Variants in R3HCC1L observed in about 807,000 individuals in gnomAD.
R3HCC1L encodes the protein coiled-coil domain-containing protein R3HCC1L.
Under a neutral mutation model 59.9 loss-of-function variants are expected in R3HCC1L, and 51 were observed. That is an observed-to-expected ratio of 0.85 (90% CI 0.68 to 1.07). The LOEUF (loss-of-function observed/expected upper bound fraction) is 1.07, where lower values mean the gene tolerates loss of function less well. R3HCC1L is among the 50% of genes least tolerant of loss of function. R3HCC1L has a pLI of 0.00. For missense variants in R3HCC1L, 965 were observed against 933.0 expected, an observed-to-expected ratio of 1.03 and a Z score of -0.45; for synonymous variants, 322 against 315.2, an observed-to-expected ratio of 1.02 and a Z score of -0.23.
intron 1 of R3HCC1L, among the ~76,000 whole-genome samples, chr10:98,139,964 A>G (rs1410954162): frequency 1.3e-5 from 2 of 151,640 alleles, no homozygotes; most frequent in African/African-American, 2.4e-5. Flanking sequence ...TCCAAATAAC[A>G]TGGGTCAAAC....
chr10:98,150,162 T>A (rs1846005746), intron 1 of R3HCC1L, among the ~76,000 whole-genome samples: 1 of 152,226 alleles, frequency 6.6e-6, no homozygotes, highest in Non-Finnish European at 1.5e-5. Context: ...TTTCAATCTC[T>A]TTGTTAAATT....
intron 4 of R3HCC1L, among the ~76,000 whole-genome samples, chr10:98,199,081 TG>T (rs941575877): frequency 6.6e-6 from 1 of 152,088 alleles, no homozygotes; most frequent in African/African-American, 2.4e-5. Context: ...GAAATCCAAA[TG>T]TATTTTATAT....
At chr10:98,197,822 C>G (rs1851609142) in intron 4 of R3HCC1L, among the ~76,000 whole-genome samples, 1 of 152,036 alleles carries the variant, frequency 6.6e-6, no homozygotes, top group South Asian at 2.1e-4. Context: ...TGGAAACTTA[C>G]AGGAAGGACC....
At chr10:98,240,516 G>A (rs1048965012) in intron 9 of R3HCC1L, among the ~76,000 whole-genome samples, 1 of 152,184 alleles carries the variant, frequency 6.6e-6, no homozygotes, top group African/African-American at 2.4e-5. Flanking sequence ...TTAATTGGCT[G>A]GTTCTGAAAG....
At chr10:98,174,521 TGAAAC>T (rs1294826306) in intron 4 of R3HCC1L, 15 of 886,894 alleles carry the variant, frequency 1.7e-5, no homozygotes, top group Non-Finnish European at 2.0e-5. Context: ...CATTCATAAA[TGAAAC>T]AGTTGAATAA....
At chr10:98,152,194 G>A (rs1268088156) in intron 1 of R3HCC1L, among the ~76,000 whole-genome samples, 17 of 151,682 alleles carry the variant, frequency 1.1e-4, no homozygotes, top group African/African-American at 2.4e-4. Flanking sequence ...ACCGCGAGTG[G>A]TCCGCCAGCC....
rs577348626 is a variant in R3HCC1L, at chr10:98,192,420, A to G, written c.-14-15681A>G. On this transcript the variant is annotated intron_variant, in intron 4 of 9. Transcript: ENST00000298999. ...TGACAAACCCTTAGCTAGGCTAAGG[A>G]AAAAGAGAATAGACTCAACTGAAGT... Among the ~76,000 whole-genome samples, 3 of 152,254 alleles carry G rather than the reference A, an allele frequency of 2.0e-5. No homozygotes were observed. The East Asian group carries it at 5.8e-4, about 29-fold the overall frequency.
At chr10:98,150,593 G>A (rs1234088518) in intron 1 of R3HCC1L, among the ~76,000 whole-genome samples, 1 of 151,878 alleles carries the variant, frequency 6.6e-6, no homozygotes, top group Non-Finnish European at 1.5e-5. Context: ...GTTTGCCTCG[G>A]TTCTAGTAAC....
At chr10:98,221,781 G>A (rs1855007252) in intron 5 of R3HCC1L, among the ~76,000 whole-genome samples, 2 of 152,298 alleles carry the variant, frequency 1.3e-5, no homozygotes, top group African/African-American at 4.8e-5. Flanking sequence ...GGTTACTGTA[G>A]CCTTGTAATA....
intron 4 of R3HCC1L, among the ~76,000 whole-genome samples, chr10:98,167,749 T>G (rs917107562): frequency 6.6e-6 from 1 of 152,194 alleles, no homozygotes; most frequent in East Asian, 1.9e-4. Flanking sequence ...CTGTGTAATC[T>G]TAAGTAACTT....
chr10:98,190,047 C>A (rs1391865702), intron 4 of R3HCC1L, among the ~76,000 whole-genome samples: 1 of 152,160 alleles, frequency 6.6e-6, no homozygotes, highest in Admixed American at 6.5e-5. Flanking sequence ...TTGTATATAA[C>A]CTATGTACAT....
intron 4 of R3HCC1L, among the ~76,000 whole-genome samples, chr10:98,181,636 G>A (rs779817260): frequency 1.4e-4 from 21 of 152,024 alleles, no homozygotes; most frequent in Non-Finnish European, 2.5e-4. Context: ...CATTCTCCCC[G>A]TCACTTTCAG....
chr10:98,184,783 C>T (rs914101994), intron 4 of R3HCC1L, among the ~76,000 whole-genome samples: 2 of 152,120 alleles, frequency 1.3e-5, no homozygotes, highest in Non-Finnish European at 2.9e-5. Context: ...CTTGCCCCTT[C>T]TTTAAGCAGG....
chr10:98,210,945 G>T (rs1162918443), intron 5 of R3HCC1L, among the ~76,000 whole-genome samples: 2 of 152,188 alleles, frequency 1.3e-5, no homozygotes, highest in African/African-American at 4.8e-5. Context: ...CGGTCCATTG[G>T]ATAGAACTGA....
intron 5 of R3HCC1L, among the ~76,000 whole-genome samples, chr10:98,228,669 C>A (rs1210961089): frequency 6.6e-6 from 1 of 152,112 alleles, no homozygotes; most frequent in Non-Finnish European, 1.5e-5. Context: ...ATGCCTGTGT[C>A]CTGAGTGGTA....
intron 9 of R3HCC1L, 87 bp from the exon 10 acceptor site, chr10:98,244,004 C>T (rs1857830922): frequency 1.0e-5 from 12 of 1,178,620 alleles, no homozygotes; most frequent in Admixed American, 1.8e-5. Context: ...TGTCTCATGA[C>T]TAAAGTTTGC....
chr10:98,152,242 T>C (rs935458626), intron 1 of R3HCC1L, among the ~76,000 whole-genome samples: 14 of 152,310 alleles, frequency 9.2e-5, no homozygotes, highest in African/African-American at 3.1e-4. Context: ...GACGGAGTCT[T>C]GTTCACTCAG....
At chr10:98,187,664 G>C (rs760543387) in intron 4 of R3HCC1L, among the ~76,000 whole-genome samples, 7 of 150,882 alleles carry the variant, frequency 4.6e-5, no homozygotes, top group Non-Finnish European at 7.4e-5. Context: ...TATACAAATT[G>C]AGAAAGGTTT....
rs145103712 is a variant in R3HCC1L, at chr10:98,224,379, A to G, written c.1786-7133A>G. Among the ~76,000 whole-genome samples, 586 of 152,290 alleles carry G rather than the reference A, an allele frequency of 3.8e-3. 5 individuals are homozygous for G. The highest frequency in any genetic ancestry group is 0.013 in the African/African-American group (526 of 41,552). On this transcript the variant is annotated intron_variant, in intron 5 of 9. Transcript: ENST00000298999. ...ACAGAAAACAAAAAATAAAAACTCA[A>G]TGATGCATGCCTTGTTGATCTTGTG...
Sources: allele counts gnomAD v4.1 joint callset (sites outside exome capture counted in the v4.1 genomes callset), GRCh38; gene constraint gnomAD v4.1.1; transcripts MANE v1.5; gene names NCBI Gene and HGNC (gene_info 2026-07-23, HGNC 2026-07-21).